PDE1C: variants seen among roughly 807,000 people sequenced by gnomAD.
The protein encoded by PDE1C is phosphodiesterase 1C.
A neutral mutation model predicts 93.1 loss-of-function variants in PDE1C; 62 were observed. The observed-to-expected ratio is 0.67, with a 90% CI of 0.54 to 0.82. The LOEUF (loss-of-function observed/expected upper bound fraction) is 0.82, where lower values mean the gene tolerates loss of function less well. PDE1C is among the 40% of genes least tolerant of loss of function. The pLI is 0.00. For synonymous variants in PDE1C, 325 were observed against 310.1 expected, an observed-to-expected ratio of 1.05 and a Z score of -0.50; for missense variants, 742 against 884.6, an observed-to-expected ratio of 0.84 and a Z score of 2.04.
At chr7:32,020,468 A>G (rs1001637652) in intron 2 of PDE1C, among the ~76,000 whole-genome samples, 4 of 152,136 alleles carry the variant, frequency 2.6e-5, no homozygotes, top group African/African-American at 9.6e-5. Flanking sequence ...TAATAAGCAC[A>G]CAAAGCGACA....
the PDE1C span, among the ~76,000 whole-genome samples, chr7:31,639,586 G>C: frequency 1.4e-5 from 2 of 147,964 alleles, no homozygotes; most frequent in Non-Finnish European, 3.0e-5. Context: ...TCCCAGGCTG[G>C]AGTGCAGTGG....
chr7:32,013,919 C>T (rs564847029), intron 2 of PDE1C, among the ~76,000 whole-genome samples: 2 of 152,300 alleles, frequency 1.3e-5, no homozygotes, highest in Non-Finnish European at 2.9e-5. Flanking sequence ...GTTGGTAAAA[C>T]TGCATTTCCA....
chr7:32,424,974 G>T (rs1433418086), intron 1 of PDE1C, among the ~76,000 whole-genome samples: 1 of 152,118 alleles, frequency 6.6e-6, no homozygotes, highest in African/African-American at 2.4e-5. Flanking sequence ...TCATTTACTA[G>T]CTGTGTGACT....
intron 2 of PDE1C, among the ~76,000 whole-genome samples, chr7:32,193,200 G>A (rs1457235523): frequency 2.0e-5 from 3 of 152,128 alleles, no homozygotes; most frequent in Non-Finnish European, 4.4e-5. Flanking sequence ...TTGAATAGGA[G>A]TGGTGTAACT....
At chr7:32,278,370 CA>C (rs910041304) in intron 1 of PDE1C, among the ~76,000 whole-genome samples, 2 of 152,022 alleles carry the variant, frequency 1.3e-5, no homozygotes, top group African/African-American at 4.8e-5. Context: ...GAGTGTTCCT[CA>C]AGGAGAACTC....
intron 1 of PDE1C, among the ~76,000 whole-genome samples, chr7:32,345,462 A>T (rs948858477): frequency 5.9e-5 from 9 of 152,234 alleles, no homozygotes; most frequent in Admixed American, 1.3e-4. Context: ...ATCAGATGAC[A>T]CCAAAAGCAT....
At chr7:31,634,531 G>A in the PDE1C span, among the ~76,000 whole-genome samples, 1 of 152,166 alleles carries the variant, frequency 6.6e-6, no homozygotes, top group African/African-American at 2.4e-5. Context: ...CAGCCTCTAA[G>A]TAGGAGAGTC....
At chr7:32,422,341 C>A (rs1785449005) in intron 1 of PDE1C, among the ~76,000 whole-genome samples, 1 of 152,076 alleles carries the variant, frequency 6.6e-6, no homozygotes, top group Admixed American at 6.6e-5. Context: ...ATAATTTCAA[C>A]TTTAATTTTA....
At chr7:31,962,069 A>G (rs1809073685) in intron 2 of PDE1C, among the ~76,000 whole-genome samples, 1 of 152,198 alleles carries the variant, frequency 6.6e-6, no homozygotes, top group African/African-American at 2.4e-5. Context: ...AGAGTTTCAT[A>G]ACTAAAAATA....
At chr7:32,339,171 A>G (rs527594732) in intron 1 of PDE1C, among the ~76,000 whole-genome samples, 22 of 152,294 alleles carry the variant, frequency 1.4e-4, no homozygotes, top group African/African-American at 5.1e-4. Context: ...GATATTATGT[A>G]AAATAAAATT....
intron 2 of PDE1C, among the ~76,000 whole-genome samples, chr7:32,205,575 G>A (rs951921609): frequency 1.3e-5 from 2 of 148,552 alleles, no homozygotes; most frequent in African/African-American, 4.9e-5. Context: ...TGTGGGTGGA[G>A]CCAAAAAAGA....
chr7:32,014,459 CTTTT>C (rs903639559), intron 2 of PDE1C, among the ~76,000 whole-genome samples: 1 of 146,490 alleles, frequency 6.8e-6, no homozygotes, highest in Admixed American at 6.9e-5. Context: ...AAATATATGT[CTTTT>C]TTTTTATTTA....
At chr7:31,714,608 A>T in the PDE1C span, among the ~76,000 whole-genome samples, 1 of 152,242 alleles carries the variant, frequency 6.6e-6, no homozygotes, top group East Asian at 1.9e-4. Context: ...GAAGAAAAAG[A>T]AGTTTAATGG....
chr7:32,226,779 G>A (rs529320050), intron 1 of PDE1C, among the ~76,000 whole-genome samples: 29 of 152,274 alleles, frequency 1.9e-4, no homozygotes, highest in African/African-American at 6.0e-4. Flanking sequence ...CCGAAACACC[G>A]AGTTACCAGT....
intron 16 of PDE1C, among the ~76,000 whole-genome samples, chr7:31,800,990 A>C (rs1785942859): frequency 6.7e-6 from 1 of 150,288 alleles, no homozygotes; most frequent in African/African-American, 2.4e-5. Context: ...TTGGATCATG[A>C]TGCTAAAGCA....
chr7:31,978,833 G>A (rs2129056981), intron 2 of PDE1C, among the ~76,000 whole-genome samples: 1 of 152,224 alleles, frequency 6.6e-6, no homozygotes, highest in South Asian at 2.1e-4. Context: ...TCTGGAGGTG[G>A]GGGGAGCCAA....
chr7:31,729,971 G>A, the PDE1C span, among the ~76,000 whole-genome samples: 101 of 152,202 alleles, frequency 6.6e-4, no homozygotes, highest in Non-Finnish European at 2.1e-4. Context: ...TATCAGCCCC[G>A]TCACTCACTA....
intron 1 of PDE1C, among the ~76,000 whole-genome samples, chr7:32,061,211 G>A (rs59413050): frequency 0.096 from 14,657 of 152,242 alleles, 807 homozygotes; most frequent in African/African-American, 0.14. Context: ...CATACTGATT[G>A]TCTAAATTAT....
the PDE1C span, chr7:31,651,175 A>AAG: frequency 6.2e-7 from 1 of 1,613,576 alleles, no homozygotes; most frequent in South Asian, 1.1e-5. Flanking sequence ...CATGAAGACG[A>AAG]TATGCCAAAG....
Sources: allele counts gnomAD v4.1 joint callset (sites outside exome capture counted in the v4.1 genomes callset), GRCh38; gene constraint gnomAD v4.1.1; transcripts MANE v1.5; gene names NCBI Gene and HGNC (gene_info 2026-07-23, HGNC 2026-07-21).